Variants in KCNK1 observed in about 807,000 individuals in gnomAD.
KCNK1 encodes the protein potassium two pore domain channel subfamily K member 1.
A neutral mutation model predicts 22.2 loss-of-function variants in KCNK1; 10 were observed. That is an observed-to-expected ratio of 0.45 (90% CI 0.28 to 0.76). The LOEUF (loss-of-function observed/expected upper bound fraction) is 0.76, where lower values mean the gene tolerates loss of function less well. Ranked by LOEUF, KCNK1 falls within the 30% of genes least tolerant of loss-of-function variation. KCNK1 has a pLI of 0.14. For synonymous variants in KCNK1, 200 were observed against 186.4 expected, an observed-to-expected ratio of 1.07 and a Z score of -0.60; for missense variants, 378 against 421.0, an observed-to-expected ratio of 0.90 and a Z score of 0.89.
intron 1 of KCNK1, among the ~76,000 whole-genome samples, chr1:233,619,917 A>AG (rs1231777544): frequency 1.4e-3 from 1 of 698 alleles, no homozygotes; most frequent in African/African-American, 6.6e-3. Flanking sequence ...CGTCTAAGCG[A>AG]GGGGGGCGGG....
In KCNK1 at chr1:233,671,457, A is replaced by C. The variant is rs764398476; in HGVS notation, c.938A>C (p.Glu313Ala). The change falls in exon 3 of 3, where the codon GAG becomes GCG. Residue 313 changes from glutamate to alanine, a missense_variant. Glu to Ala is a moderately radical substitution (Grantham distance 107). Transcript: ENST00000366621. The stretch of plus-strand genomic sequence containing the variant: ...ACAGACCAGGCAGCTGGCATGAAAG[A>C]GGACCAGAAGCAAAATGAGCCTTTT... ...SITDQAAGMK[E>A]DQKQNEPFVA... is the part of the protein sequence containing the mutation. 1.9e-6 allele frequency: 3 copies of C among 1,614,082 alleles called. No individual in the cohort carries two copies. In the African/African-American group the frequency reaches 4.0e-5, roughly 22 times the overall value.
At chr1:233,630,243 A>C (rs1046623519) in intron 1 of KCNK1, among the ~76,000 whole-genome samples, 2 of 152,214 alleles carry the variant, frequency 1.3e-5, no homozygotes, top group Admixed American at 6.5e-5. Context: ...TAGTTGCTGC[A>C]ATCGTGTTTA....
At chr1:233,630,337 A>C (rs1213221704) in intron 1 of KCNK1, among the ~76,000 whole-genome samples, 2 of 152,354 alleles carry the variant, frequency 1.3e-5, no homozygotes, top group Middle Eastern at 3.4e-3. Flanking sequence ...CTGAGTTGTA[A>C]CTTAACTAAG....
intron 1 of KCNK1, among the ~76,000 whole-genome samples, chr1:233,621,586 T>C (rs973778200): frequency 7.2e-5 from 11 of 152,132 alleles, no homozygotes; most frequent in African/African-American, 2.7e-4. Flanking sequence ...ATGTTTCTAC[T>C]TAAGAAGGCA....
chr1:233,670,709 A>G (rs748953772), intron 2 of KCNK1, among the ~76,000 whole-genome samples: 39 of 152,196 alleles, frequency 2.6e-4, no homozygotes, highest in Non-Finnish European at 4.4e-4. Context: ...TCCCTCCAAC[A>G]ACACATGGGA....
At chr1:233,662,763 A>C (rs1658421151) in intron 1 of KCNK1, among the ~76,000 whole-genome samples, 1 of 152,150 alleles carries the variant, frequency 6.6e-6, no homozygotes, top group Non-Finnish European at 1.5e-5. Context: ...GAATACAAGA[A>C]CATTAGTGAG....
chr1:233,615,204 G>A (rs1251872253), intron 1 of KCNK1, among the ~76,000 whole-genome samples: 2 of 152,222 alleles, frequency 1.3e-5, no homozygotes, highest in African/African-American at 2.4e-5. Flanking sequence ...GTGAGGGAGA[G>A]TAAAGGAACC....
At chr1:233,620,213 T>C (rs1401859054) in intron 1 of KCNK1, among the ~76,000 whole-genome samples, 1 of 152,150 alleles carries the variant, frequency 6.6e-6, no homozygotes, top group Non-Finnish European at 1.5e-5. Context: ...GGTGGCAGAG[T>C]TGAATAGTTG....
In KCNK1 at chr1:233,631,159, C is replaced by T. The variant is rs545205169; in HGVS notation, c.355+16633C>T. 1.3e-3 allele frequency: 577 copies of T among 439,784 alleles called. 3 individuals carry two copies. The highest frequency in any genetic ancestry group is 2.1e-3 in the Middle Eastern group (6 of 2,918). The allele number at this position is 439,784 out of a possible 1,614,324, so 27.2% of individuals were successfully genotyped here. A position where few individuals can be genotyped will look rare whatever the true frequency, so the allele number is the denominator to read the frequency against. The stretch of plus-strand genomic sequence containing the variant: ...ATCTCTGGCTCTCAGAATTGTCCAT[C>T]ATCCACAGTCTATTTTATTTATACC... On this transcript the variant is annotated intron_variant, in intron 1 of 2. Coordinates refer to ENST00000366621, the MANE Select transcript of KCNK1 (RefSeq NM_002245.4).
At chr1:233,635,596 T>A (rs1353184824) in intron 1 of KCNK1, among the ~76,000 whole-genome samples, 1 of 152,156 alleles carries the variant, frequency 6.6e-6, no homozygotes, top group Non-Finnish European at 1.5e-5. Context: ...GCCAATAATT[T>A]TTTTTTGTTA....
intron 1 of KCNK1, among the ~76,000 whole-genome samples, chr1:233,647,887 C>A (rs930000982): frequency 2.0e-5 from 3 of 152,168 alleles, no homozygotes; most frequent in African/African-American, 7.2e-5. Context: ...TGCACAAGAG[C>A]TGACAGCTGA....
chr1:233,655,720 T>G (rs1658279758), intron 1 of KCNK1: 5 of 152,906 alleles, frequency 3.3e-5, no homozygotes, highest in Middle Eastern at 3.4e-3. Flanking sequence ...GAGATTAGAG[T>G]GAGAAGTCTA....
chr1:233,627,807 A>G (rs1657716794), intron 1 of KCNK1, among the ~76,000 whole-genome samples: 1 of 152,212 alleles, frequency 6.6e-6, no homozygotes, highest in Non-Finnish European at 1.5e-5. Flanking sequence ...AAATTTTAAG[A>G]AAGTTGGGGA....
Position 233,666,999 on chromosome 1 carries a change from T to G in KCNK1, c.751+9T>G, listed in dbSNP as rs367689079. 62 of 1,568,146 alleles carry G rather than the reference T, an allele frequency of 4.0e-5. No individual in the cohort carries two copies. In the African/African-American group the frequency reaches 7.9e-4, roughly 20 times the overall value. On this transcript the variant is annotated intron_variant, in intron 2 of 2. Coordinates refer to ENST00000366621, the MANE Select transcript of KCNK1 (RefSeq NM_002245.4). ...TAAGATTGGGATCACGTGTGAGTATTACAGCTCCCTGGCTGCTCCTTCTGT... is the reference window on the plus strand; with the variant it reads ...TAAGATTGGGATCACGTGTGAGTATGACAGCTCCCTGGCTGCTCCTTCTGT...
intron 1 of KCNK1, among the ~76,000 whole-genome samples, chr1:233,661,029 A>C (rs2102907613): frequency 6.6e-6 from 1 of 152,274 alleles, no homozygotes; most frequent in South Asian, 2.1e-4. Context: ...GGATTTGGAA[A>C]TTGTTATGAA....
At chr1:233,653,259 A>T (rs532195049) in intron 1 of KCNK1, among the ~76,000 whole-genome samples, 1 of 152,310 alleles carries the variant, frequency 6.6e-6, no homozygotes, top group Admixed American at 6.5e-5. Context: ...ATGTTTCCCT[A>T]GGTGCCCCCA....
chr1:233,669,415 AT>A (rs1232121819), intron 2 of KCNK1, among the ~76,000 whole-genome samples: 5 of 152,342 alleles, frequency 3.3e-5, no homozygotes, highest in African/African-American at 7.2e-5. Flanking sequence ...GAATTAGTTT[AT>A]GTTTTGAGCA....
intron 1 of KCNK1, among the ~76,000 whole-genome samples, chr1:233,634,109 C>A (rs1044517853): frequency 6.6e-6 from 1 of 151,952 alleles, no homozygotes; most frequent in African/African-American, 2.4e-5. Context: ...AGTTTGAGAC[C>A]AGCCTGGCCA....
intron 1 of KCNK1, among the ~76,000 whole-genome samples, chr1:233,618,833 A>G (rs780077): frequency 0.29 from 43,712 of 151,956 alleles, 6,675 homozygotes; most frequent in East Asian, 0.45. Flanking sequence ...GCAGTGAGCC[A>G]AGATTGCACC....
Sources: allele counts gnomAD v4.1 joint callset (sites outside exome capture counted in the v4.1 genomes callset), GRCh38; gene constraint gnomAD v4.1.1; transcripts MANE v1.5; gene names NCBI Gene and HGNC (gene_info 2026-07-23, HGNC 2026-07-21).